KDM3B: variants seen among roughly 807,000 people sequenced by gnomAD.
KDM3B encodes the protein lysine demethylase 3B, also known as lysine-specific demethylase 3B.
In KDM3B, 10 loss-of-function variants were observed where a neutral mutation model predicts 170.0. That is an observed-to-expected ratio of 0.06 (90% CI 0.04 to 0.10). The LOEUF is 0.10. Among genes scored for constraint, KDM3B ranks in the 10% least tolerant of loss-of-function variants. The probability of loss-of-function intolerance (pLI) is 1.00; values close to 1 mark genes in which losing one functional copy is unlikely to be tolerated. For missense variants in KDM3B, 1,394 were observed against 2,195.2 expected, an observed-to-expected ratio of 0.64 and a Z score of 7.29; for synonymous variants, 831 against 834.8, an observed-to-expected ratio of 1.00 and a Z score of 0.08.
intron 11 of KDM3B, among the ~76,000 whole-genome samples, chr5:138,411,755 A>G (rs914388850): frequency 1.3e-5 from 2 of 149,214 alleles, no homozygotes; most frequent in Admixed American, 6.7e-5. Flanking sequence ...GCTGGAGTGC[A>G]GTGGTGCAAT....
Position 138,379,577 on chromosome 5 carries a change from C to A in KDM3B, c.581-7C>A, listed in dbSNP as rs776319094. Reference sequence around the variant, plus strand: ...AAATACTCAATACTGACTGATCTCCCTTTTAGGTCCCTACAGTGTTCAAGG... The same window carrying A: ...AAATACTCAATACTGACTGATCTCCATTTTAGGTCCCTACAGTGTTCAAGG... On this transcript the variant is annotated splice_polypyrimidine_tract_variant and splice_region_variant and intron_variant, in intron 4 of 23. Coordinates refer to ENST00000314358, the MANE Select transcript of KDM3B (RefSeq NM_016604.4). 1.2e-6 allele frequency: 2 copies of A among 1,608,490 alleles called. No homozygotes were observed. The highest frequency in any genetic ancestry group is 1.7e-6 in the Non-Finnish European group (2 of 1,177,668).
In KDM3B at chr5:138,419,718, TACACACACATACACACACACACAC is replaced by T. The variant is rs1454305792; in HGVS notation, c.3715+496_3715+519del. Among the ~76,000 whole-genome samples the T allele has an allele frequency of 2.7e-3, 169 of 63,698 alleles. 2 individuals are homozygous for T. The highest frequency in any genetic ancestry group is 1.1e-3 in the Non-Finnish European group (40 of 35,404). 41.8% of individuals were successfully genotyped at this position (63,698 alleles called of 152,430 possible). ...ATATATATACACACACACATATATA[TACACACACATACACACACACACAC>T]ACACACACACACACACACACACACA... On this transcript the variant is annotated intron_variant, in intron 14 of 23. Transcript: ENST00000314358.
chr5:138,432,401 A>G (rs754126607), intron 23 of KDM3B, among the ~76,000 whole-genome samples: 2 of 149,896 alleles, frequency 1.3e-5, no homozygotes, highest in South Asian at 2.2e-4. Flanking sequence ...TAATACACTT[A>G]GGTACTTTAG....
chr5:138,417,671 C>G, intron 13 of KDM3B, 61 bp downstream of exon 13: 3 of 1,557,196 alleles, frequency 1.9e-6, no homozygotes, highest in Non-Finnish European at 2.6e-6. Context: ...CCAGGAAATG[C>G]CCCCTTTTCA....
intron 23 of KDM3B, 74 bp downstream of exon 23, chr5:138,431,633 C>A: frequency 1.6e-6 from 2 of 1,280,184 alleles, no homozygotes; most frequent in Non-Finnish European, 1.0e-6. Context: ...AAAGCACATT[C>A]TCCTTTCTGA....
chr5:138,372,982 T>C, intron 2 of KDM3B, 141 bp downstream of exon 2: 1 of 667,230 alleles, frequency 1.5e-6, no homozygotes, highest in Non-Finnish European at 2.3e-6. Context: ...AATGCAAAAA[T>C]TAGGAGCAGT....
intron 11 of KDM3B, among the ~76,000 whole-genome samples, chr5:138,414,315 G>A (rs1046810297): frequency 5.9e-5 from 9 of 152,008 alleles, no homozygotes; most frequent in Non-Finnish European, 1.3e-4. Context: ...ACAGACAACC[G>A]CCACCACACC....
intron 11 of KDM3B, among the ~76,000 whole-genome samples, chr5:138,403,364 A>G (rs1302323874): frequency 1.3e-5 from 2 of 152,138 alleles, no homozygotes; most frequent in East Asian, 3.8e-4. Flanking sequence ...AAACCCCAGA[A>G]TGACGGTGAT....
intron 1 of KDM3B, among the ~76,000 whole-genome samples, chr5:138,368,600 G>C (rs897149398): frequency 6.6e-6 from 1 of 152,086 alleles, no homozygotes; most frequent in African/African-American, 2.4e-5. Context: ...GCCAGGAAGC[G>C]AAGTACAGTC....
chr5:138,364,539 T>G (rs1761695250), intron 1 of KDM3B, among the ~76,000 whole-genome samples: 1 of 152,066 alleles, frequency 6.6e-6, no homozygotes. Context: ...CAGAGTGGTA[T>G]GATAGACACT....
At chr5:138,415,748 C>T (rs1763086869) in intron 12 of KDM3B, among the ~76,000 whole-genome samples, 1 of 152,008 alleles carries the variant, frequency 6.6e-6, no homozygotes. Flanking sequence ...CCGTGCTGAG[C>T]CAAATTTGGA....
At position 138,388,505 on chromosome 5, in the gene KDM3B, G is replaced by A. The variant is rs187234123; in HGVS notation, c.1380+1884G>A. ...AAATTAGCTGGGCGTGGTGGCAAGC[G>A]CCTGTAGTCTCAGCTACTCGGGAGG... On this transcript the variant is annotated intron_variant, in intron 7 of 23. Coordinates refer to ENST00000314358, the MANE Select transcript of KDM3B (RefSeq NM_016604.4). 9.2e-5 allele frequency among the ~76,000 whole-genome samples: 14 copies of A among 151,868 alleles called. No homozygotes were observed. In the East Asian group the frequency reaches 1.2e-3, roughly 13 times the overall value.
At chr5:138,412,879 G>C (rs980956203) in intron 11 of KDM3B, among the ~76,000 whole-genome samples, 2 of 152,168 alleles carry the variant, frequency 1.3e-5, no homozygotes, top group African/African-American at 4.8e-5. Flanking sequence ...TTACGCTCAA[G>C]CGATTCTTCC....
At chr5:138,395,777 C>T (rs147868056) in intron 9 of KDM3B, among the ~76,000 whole-genome samples, 1,902 of 151,976 alleles carry the variant, frequency 0.013, 20 homozygotes, top group Middle Eastern at 0.037. Context: ...CCACCATGCT[C>T]GGCTAATTTT....
chr5:138,431,325 C>A, intron 22 of KDM3B, 100 bp from the exon 23 acceptor site: 1 of 970,232 alleles, frequency 1.0e-6, no homozygotes, highest in South Asian at 2.1e-5. Context: ...AATATTATAC[C>A]TATTTCTCAA....
In KDM3B at chr5:138,419,668, A is replaced by AAATAT. The variant is rs1408643891; in HGVS notation, c.3715+437_3715+438insATATA. 9.9e-4 allele frequency among the ~76,000 whole-genome samples: 108 copies of AAATAT among 109,228 alleles called. 3 individuals are homozygous for AAATAT. The highest frequency in any genetic ancestry group is 3.6e-3 in the African/African-American group (97 of 27,058). The allele number at this position is 109,228 out of a possible 152,430, so 71.7% of individuals were successfully genotyped here. A position where few individuals can be genotyped will look rare whatever the true frequency, so the allele number is the denominator to read the frequency against. On this transcript the variant is annotated intron_variant, in intron 14 of 23. Transcript: ENST00000314358. ...ACTCTGTCTCAAAAAAAAAAAAAAA[A>AAATAT]ATATATATATATATATATATACATA...
At position 138,424,221 on chromosome 5, in the gene KDM3B, A is replaced by G. The variant is rs1403118984; in HGVS notation, c.4119A>G (p.Leu1373=). ...AAGTGAAGGAGATGGTGATGGGGTT[A>G]AATGTGCTAGATCCCCATACTTCTC... is the stretch of plus-strand genomic sequence containing the variant. ...QKEVKEMVMG[L]NVLDPHTSHS... is the part of the protein sequence containing the mutation. Residue 1373 remains leucine, a synonymous_variant, in exon 16 of 24, where the codon TTA becomes TTG. Transcript: ENST00000314358. 6.2e-7 allele frequency: 1 copy of G among 1,614,054 alleles called. No individual in the cohort carries two copies. Among genetic ancestry groups the G allele is most frequent in the African/African-American group, 1.3e-5 (1 of 74,936 alleles).
intron 15 of KDM3B, among the ~76,000 whole-genome samples, chr5:138,422,714 C>T (rs1763302827): frequency 6.6e-6 from 1 of 152,124 alleles, no homozygotes; most frequent in Non-Finnish European, 1.5e-5. Flanking sequence ...CACCTGTTTC[C>T]CTTTCTAGAA....
At chr5:138,376,402 C>G (rs1761999440) in intron 3 of KDM3B, among the ~76,000 whole-genome samples, 1 of 152,120 alleles carries the variant, frequency 6.6e-6, no homozygotes, top group African/African-American at 2.4e-5. Flanking sequence ...AATTCTGAGT[C>G]CCTTCAGAAG....
Sources: allele counts gnomAD v4.1 joint callset (sites outside exome capture counted in the v4.1 genomes callset), GRCh38; gene constraint gnomAD v4.1.1; transcripts MANE v1.5; gene names NCBI Gene and HGNC (gene_info 2026-07-23, HGNC 2026-07-21).